Variants in CRB2 observed in about 807,000 individuals in gnomAD.
CRB2 encodes protein crumbs homolog 2.
In CRB2, 85 loss-of-function variants were observed where a neutral mutation model predicts 110.9. The ratio of observed to expected loss-of-function variants is 0.77; its 90% CI spans 0.64 to 0.92. The LOEUF (loss-of-function observed/expected upper bound fraction) is 0.92. Ranked by LOEUF, CRB2 falls within the 40% of genes least tolerant of loss-of-function variation. The pLI is 0.00. For missense variants in CRB2, 1,843 were observed against 1,851.3 expected, an observed-to-expected ratio of 1.00 and a Z score of 0.08; for synonymous variants, 907 against 831.0, an observed-to-expected ratio of 1.09 and a Z score of -1.57.
At position 123,356,842 on chromosome 9, in the gene CRB2, C is replaced by T. The variant is rs370793426; in HGVS notation, c.94+488C>T. ...GGTGGATGAGCTGTCTGGGGTGAGC[C>T]GTGAGTTGTGTCCGAGGAGTTGGGT... On this transcript the variant is annotated intron_variant, in intron 1 of 12. Transcript: ENST00000373631. Among the ~76,000 whole-genome samples, 9 of 151,950 alleles carry T rather than the reference C, an allele frequency of 5.9e-5. No homozygotes were observed. The South Asian group carries it at 6.2e-4, about 11-fold the overall frequency.
At chr9:123,374,484 A>G (rs2042072899) in intron 10 of CRB2, 95 bp from the exon 11 acceptor site, 1 of 829,930 alleles carries the variant, frequency 1.2e-6, no homozygotes, top group Non-Finnish European at 2.0e-6. Context: ...AGTTCCATAC[A>G]TGAGAACACA....
At chr9:123,368,944 C>T (rs1281910294) in intron 6 of CRB2, 2 of 1,242,832 alleles carry the variant, frequency 1.6e-6, no homozygotes, top group Non-Finnish European at 2.1e-6. Context: ...TGGCTCCTGG[C>T]AGGTATGGAG....
intron 1 of CRB2, among the ~76,000 whole-genome samples, chr9:123,360,999 G>A (rs1226275685): frequency 6.6e-6 from 1 of 152,106 alleles, no homozygotes; most frequent in African/African-American, 2.4e-5. Context: ...GAGCCCATCT[G>A]CTCCCATGGT....
chr9:123,375,772 G>A (rs1362693328), intron 12 of CRB2, among the ~76,000 whole-genome samples: 1 of 151,802 alleles, frequency 6.6e-6, no homozygotes, highest in Non-Finnish European at 1.5e-5. Flanking sequence ...CTGGGAGTCC[G>A]CACTGGAGCA....
rs1588214155 is a variant in CRB2, at chr9:123,370,817, C to T, written c.1764C>T (p.His588=). ...TCCAGGACGTGCGTGTGGATGGCCACCTCCTGCTGCCTGAGGATCTCGGTG... is the reference window on the plus strand; with the variant it reads ...TCCAGGACGTGCGTGTGGATGGCCATCTCCTGCTGCCTGAGGATCTCGGTG... ...GCLQDVRVDG[H]LLLPEDLGEN... is the part of the protein sequence containing the mutation. The change falls in exon 7 of 13, where the codon CAC becomes CAT. Residue 588 remains histidine, a synonymous_variant. Coordinates refer to ENST00000373631, the MANE Select transcript of CRB2 (RefSeq NM_173689.7). 3 of 1,604,722 alleles carry T rather than the reference C, an allele frequency of 1.9e-6. No homozygotes were observed. The African/African-American group carries it at 4.0e-5, about 21-fold the overall frequency.
chr9:123,367,365 C>T lies in CRB2; in HGVS notation c.940+8C>T, dbSNP rs2041948818. On this transcript the variant is annotated splice_region_variant and intron_variant, in intron 5 of 12. Transcript: ENST00000373631. The stretch of plus-strand genomic sequence containing the variant: ...GCCCTCCTGGCTTTGAGGGTGAGCC[C>T]CTGCTGGGGAAGCGGTCAGCCCATG... 6.3e-7 allele frequency: 1 copy of T among 1,596,708 alleles called. No homozygotes were observed.
intron 6 of CRB2, 58 bp downstream of exon 6, chr9:123,367,744 G>A (rs1588211030): frequency 1.7e-6 from 2 of 1,158,668 alleles, no homozygotes; most frequent in Non-Finnish European, 2.5e-6. Flanking sequence ...CAGGTGAGAA[G>A]GTCCCTTCTG....
chr9:123,369,274 C>T (rs2041980307), intron 6 of CRB2, among the ~76,000 whole-genome samples: 2 of 152,224 alleles, frequency 1.3e-5, no homozygotes, highest in Non-Finnish European at 2.9e-5. Context: ...TTGCACTACC[C>T]CACTAGCTCC....
intron 1 of CRB2, among the ~76,000 whole-genome samples, chr9:123,362,028 C>G (rs540763603): frequency 6.6e-6 from 1 of 152,294 alleles, no homozygotes; most frequent in South Asian, 2.1e-4. Context: ...TGTCCGTGAG[C>G]CATCTCAATA....
Position 123,366,215 on chromosome 9 carries a change from C to A in CRB2, c.615-12C>A. 1 of 1,423,166 alleles carries A rather than the reference C, an allele frequency of 7.0e-7. No individual in the cohort carries two copies. Among genetic ancestry groups the A allele is most frequent in the Non-Finnish European group, 9.1e-7 (1 of 1,098,048 alleles). 88.2% of individuals were successfully genotyped at this position (1,423,166 alleles called of 1,614,324 possible). A position where few individuals can be genotyped will look rare whatever the true frequency, so the allele number is the denominator to read the frequency against. ...AGGCGCGCGCTCAGCTCCGCCGGTG[C>A]GCCCTCCCCAGGTTCCGGTGCGACT... On this transcript the variant is annotated splice_polypyrimidine_tract_variant and intron_variant, in intron 3 of 12. Transcript: ENST00000373631.
At chr9:123,368,312 C>G (rs2041965907) in intron 6 of CRB2, among the ~76,000 whole-genome samples, 1 of 152,154 alleles carries the variant, frequency 6.6e-6, no homozygotes, top group Non-Finnish European at 1.5e-5. Flanking sequence ...CTTCCCCTCT[C>G]TCACTCGCCT....
chr9:123,354,172 G>A (rs1487136555), upstream of CRB2, among the ~76,000 whole-genome samples: 1 of 152,226 alleles, frequency 6.6e-6, no homozygotes, highest in African/African-American at 2.4e-5. Flanking sequence ...CCTGTACCCG[G>A]TGCTGTCGGG....
rs369662953 is a variant in CRB2, at chr9:123,371,233, A to T, written c.2091A>T (p.Thr697=). The change falls in exon 8 of 13, where the codon ACA becomes ACT. Residue 697 remains threonine (T), a synonymous_variant. Coordinates refer to ENST00000373631, the MANE Select transcript of CRB2 (RefSeq NM_173689.7). ...QFANDSAAGL[T]VFLSEGRIRA... ...CCAATGACTCCGCAGCTGGCCTAAC[A>T]GTATTCCTGAGTGAGGGTCGGATCC... 13 of 1,613,958 alleles carry T rather than the reference A, an allele frequency of 8.1e-6. No homozygotes were observed. Among genetic ancestry groups the T allele is most frequent in the Non-Finnish European group, 1.1e-5 (13 of 1,180,032 alleles).
At position 123,366,311 on chromosome 9, in the gene CRB2, G is replaced by A; in HGVS notation, c.699G>A (p.Glu233=). 2 of 1,534,942 alleles carry A rather than the reference G, an allele frequency of 1.3e-6. No individual in the cohort carries two copies. Among genetic ancestry groups the A allele is most frequent in the South Asian group, 1.2e-5 (1 of 82,588 alleles). ...TGGAGTGCGCATCGGCGCCCTGCGA[G>A]CACAACGCGTCCTGCCTCGAGGGCC... ...EVLECASAPC[E]HNASCLEGLG... is the part of the protein sequence containing the mutation. The change falls in exon 4 of 13, where the codon GAG becomes GAA. Residue 233 remains glutamate, a synonymous_variant. Coordinates refer to ENST00000373631, the MANE Select transcript of CRB2 (RefSeq NM_173689.7).
chr9:123,362,068 G>A lies in CRB2; in HGVS notation c.95-797G>A, dbSNP rs115765918. On this transcript the variant is annotated intron_variant, in intron 1 of 12. Transcript: ENST00000373631. ...CTCTGTACCATGCGACCTTGGCCAG[G>A]CCGGCCACTCAGGTGTTTGCTGATG... Among the ~76,000 whole-genome samples, 859 of 152,338 alleles carry A rather than the reference G, an allele frequency of 5.6e-3. 13 individuals carry two copies. The highest frequency in any genetic ancestry group is 0.02 in the African/African-American group (818 of 41,568).
In CRB2 at chr9:123,375,292, GTCTGAATGTA is replaced by G. The variant is rs1564379563; in HGVS notation, c.3587_3596del (p.Glu1196AlafsTer201). 6 of 1,611,702 alleles carry G rather than the reference GTCTGAATGTA, an allele frequency of 3.7e-6. No individual in the cohort carries two copies. The South Asian group carries it at 6.6e-5, about 18-fold the overall frequency. ...GCACCTGCCGGGCAGCTGGAGGGGT[GTCTGAATGTA>G]TCTGCAATGCCAGATTCTCCGGCCA... On this transcript the variant is annotated frameshift_variant, in exon 12 of 13. Coordinates refer to ENST00000373631, the MANE Select transcript of CRB2 (RefSeq NM_173689.7). LOFTEE classifies it high-confidence loss of function.
chr9:123,373,218 T>C lies in CRB2; in HGVS notation c.2687T>C (p.Leu896Pro). ...NASSGRLLGG[L>P]SLAFRTRDSE... ...TCGTCAGGGCGCTTGCTCGGCGGCC[T>C]GTCGCTGGCCTTTCGCACGCGCGAC... Residue 896 changes from leucine (L) to proline (P), a missense_variant, in exon 10 of 13, where the codon CTG becomes CCG. By Grantham distance (98) the Leu-to-Pro change is moderately conservative (BLOSUM62 -3). Transcript: ENST00000373631. 3 of 1,509,938 alleles carry C rather than the reference T, an allele frequency of 2.0e-6. No individual in the cohort carries two copies. Among genetic ancestry groups the C allele is most frequent in the East Asian group, 2.7e-5 (1 of 37,112 alleles). The allele number at this position is 1,509,938 out of a possible 1,614,324, so 93.5% of individuals were successfully genotyped here.
In CRB2 at chr9:123,366,017, G is replaced by C. The variant is rs1052818871; in HGVS notation, c.519G>C (p.Ala173=). The C allele has an allele frequency of 6.3e-7, 1 of 1,593,022 alleles. No homozygotes were observed. The highest frequency in any genetic ancestry group is 8.5e-7 in the Non-Finnish European group (1 of 1,176,958). ...TGGGCTCCTTCCGCTGTGTGTGCGC[G>C]CCAGGCTACGGGGGCACCCGTTGCC... ...DGVGSFRCVC[A]PGYGGTRCQL... is the part of the protein sequence containing the mutation. The change falls in exon 3 of 13, where the codon GCG becomes GCC. Residue 173 remains alanine (A), a synonymous_variant. Coordinates refer to ENST00000373631, the MANE Select transcript of CRB2 (RefSeq NM_173689.7).
rs751538843 is a variant in CRB2, at chr9:123,366,082, A to C, written c.584A>C (p.His195Pro). 5 of 1,546,648 alleles carry C rather than the reference A, an allele frequency of 3.2e-6. No homozygotes were observed. Among genetic ancestry groups the C allele is most frequent in the Non-Finnish European group, 4.3e-6 (5 of 1,153,868 alleles). The change falls in exon 3 of 13, where the codon CAT (histidine) becomes CCT (proline). Residue 195 changes from histidine (H) to proline (P), a missense_variant. Coordinates refer to ENST00000373631, the MANE Select transcript of CRB2 (RefSeq NM_173689.7). Reference protein sequence around the residue: ...LDECQSQPCAHGGTCHDLVNG... With the variant: ...LDECQSQPCAPGGTCHDLVNG... The stretch of plus-strand genomic sequence containing the variant: ...GAGTGCCAGAGCCAGCCGTGCGCAC[A>C]TGGGGGCACGTGCCACGACCTGGTC...
Sources: allele counts gnomAD v4.1 joint callset (sites outside exome capture counted in the v4.1 genomes callset), GRCh38; gene constraint gnomAD v4.1.1; transcripts MANE v1.5; gene names NCBI Gene and HGNC (gene_info 2026-07-23, HGNC 2026-07-21).